PTPRD: variants seen among roughly 807,000 people sequenced by gnomAD.
PTPRD encodes the protein receptor-type tyrosine-protein phosphatase delta.
In PTPRD, 34 loss-of-function variants were observed where a neutral mutation model predicts 214.5. The observed-to-expected ratio is 0.16, with a 90% CI of 0.12 to 0.21. The LOEUF is 0.21. PTPRD is among the 10% of genes least tolerant of loss of function. The probability of loss-of-function intolerance (pLI) is 1.00; values close to 1 mark genes in which losing one functional copy is unlikely to be tolerated. For missense variants in PTPRD, 2,545 were observed against 2,398.7 expected, an observed-to-expected ratio of 1.06 and a Z score of -1.27; for synonymous variants, 1,128 against 845.7, an observed-to-expected ratio of 1.33 and a Z score of -5.79.
chr9:9,546,852 T>A (rs1028785742), intron 8 of PTPRD, among the ~76,000 whole-genome samples: 1 of 151,720 alleles, frequency 6.6e-6, no homozygotes, highest in East Asian at 1.9e-4. Flanking sequence ...TACCAAACAG[T>A]GTTCCTCACT....
chr9:10,354,651 A>G (rs1461640731), intron 2 of PTPRD, among the ~76,000 whole-genome samples: 1 of 152,164 alleles, frequency 6.6e-6, no homozygotes, highest in Non-Finnish European at 1.5e-5. Context: ...AACTTGTTTT[A>G]AAATACCTTA....
chr9:8,987,697 A>C (rs543258758), intron 11 of PTPRD, among the ~76,000 whole-genome samples: 2 of 152,236 alleles, frequency 1.3e-5, no homozygotes, highest in East Asian at 3.9e-4. Context: ...GAAGTCATTT[A>C]ACACGGGTAG....
intron 3 of PTPRD, among the ~76,000 whole-genome samples, chr9:10,106,013 CAAAAA>C (rs35421883): frequency 0.021 from 1,183 of 56,676 alleles, 18 homozygotes; most frequent in African/African-American, 0.072. Flanking sequence ...ATCACATATT[CAAAAA>C]AAAAAAAAAA....
chr9:10,151,525 T>G (rs1056147856), intron 3 of PTPRD, among the ~76,000 whole-genome samples: 1 of 152,026 alleles, frequency 6.6e-6, no homozygotes, highest in Admixed American at 6.6e-5. Flanking sequence ...CCTCCCAAAG[T>G]GCTGGGATTA....
chr9:8,592,750 T>C (rs2154266099), intron 14 of PTPRD, among the ~76,000 whole-genome samples: 1 of 152,318 alleles, frequency 6.6e-6, no homozygotes, highest in East Asian at 1.9e-4. Flanking sequence ...TTTCACTAAA[T>C]TAGTGCTTAA....
chr9:8,502,620 T>A (rs2097435011), intron 23 of PTPRD, among the ~76,000 whole-genome samples: 1 of 152,112 alleles, frequency 6.6e-6, no homozygotes, highest in Non-Finnish European at 1.5e-5. Context: ...AAAACTATTT[T>A]ACATGCATTA....
chr9:9,360,104 A>T (rs939239351), intron 9 of PTPRD, among the ~76,000 whole-genome samples: 3 of 151,256 alleles, frequency 2.0e-5, no homozygotes, highest in African/African-American at 7.3e-5. Flanking sequence ...CAAATTTAAT[A>T]TTTGTGGTAA....
At chr9:9,147,878 C>G (rs544624173) in intron 10 of PTPRD, among the ~76,000 whole-genome samples, 1 of 152,238 alleles carries the variant, frequency 6.6e-6, no homozygotes, top group South Asian at 2.1e-4. Flanking sequence ...CCTCTATATT[C>G]AGAATCAGAA....
chr9:10,342,723 T>C (rs2096966485), intron 2 of PTPRD, among the ~76,000 whole-genome samples: 1 of 152,104 alleles, frequency 6.6e-6, no homozygotes, highest in Admixed American at 6.6e-5. Context: ...AACTATTGAA[T>C]GAATATAAGC....
intron 7 of PTPRD, among the ~76,000 whole-genome samples, chr9:9,644,770 C>A (rs1475885643): frequency 1.3e-5 from 2 of 152,138 alleles, no homozygotes; most frequent in Admixed American, 6.5e-5. Context: ...AACCACAAAC[C>A]CCACTGGCAG....
At chr9:10,152,005 T>G (rs1396027186) in intron 3 of PTPRD, among the ~76,000 whole-genome samples, 1 of 152,178 alleles carries the variant, frequency 6.6e-6, no homozygotes, top group East Asian at 1.9e-4. Context: ...TATAAACACC[T>G]ACGTATAGGT....
chr9:10,283,262 G>C (rs1260512330), intron 3 of PTPRD, among the ~76,000 whole-genome samples: 2 of 152,008 alleles, frequency 1.3e-5, no homozygotes, highest in African/African-American at 4.8e-5. Context: ...TGTGCTTATA[G>C]CTCCTGGTCC....
At chr9:9,723,241 G>C (rs2097999919) in intron 7 of PTPRD, among the ~76,000 whole-genome samples, 1 of 151,980 alleles carries the variant, frequency 6.6e-6, no homozygotes, top group African/African-American at 2.4e-5. Context: ...AGACTATCCA[G>C]TTGTCTCAGC....
intron 6 of PTPRD, among the ~76,000 whole-genome samples, chr9:9,741,087 T>G (rs747625733): frequency 7.2e-5 from 11 of 152,162 alleles, no homozygotes; most frequent in Admixed American, 3.3e-4. Context: ...GATGATATCC[T>G]TCACTAAAAC....
At chr9:9,647,288 A>G (rs1355656266) in intron 7 of PTPRD, among the ~76,000 whole-genome samples, 3 of 152,130 alleles carry the variant, frequency 2.0e-5, no homozygotes, top group Non-Finnish European at 4.4e-5. Context: ...AAGACAATTT[A>G]TTTGATGACT....
At chr9:9,190,023 G>T (rs1196243497) in intron 9 of PTPRD, among the ~76,000 whole-genome samples, 2 of 152,076 alleles carry the variant, frequency 1.3e-5, no homozygotes, top group Non-Finnish European at 2.9e-5. Context: ...GACTTTCTGA[G>T]TGAGGACAGC....
chr9:10,385,604 A>C (rs900625251), intron 2 of PTPRD, among the ~76,000 whole-genome samples: 1 of 151,772 alleles, frequency 6.6e-6, no homozygotes, highest in Non-Finnish European at 1.5e-5. Context: ...TTTCTCGGAG[A>C]GTCCTGACTT....
At chr9:9,998,129 A>AAAATATATATATATATATAT (rs57991748) in intron 4 of PTPRD, among the ~76,000 whole-genome samples, 3 of 91,496 alleles carry the variant, frequency 3.3e-5, no homozygotes, top group African/African-American at 1.2e-4. Context: ...AAAAAAAAAA[A>AAAATATATATATATATATAT]ATATATATAT....
intron 6 of PTPRD, among the ~76,000 whole-genome samples, chr9:9,762,783 G>C (rs749052273): frequency 4.7e-4 from 71 of 152,122 alleles, no homozygotes; most frequent in Admixed American, 1.1e-3. Flanking sequence ...AGATTTTTTA[G>C]GTATTATTCA....
Sources: gnomAD v4.1 joint callset for allele counts (sites outside exome capture counted in the v4.1 genomes callset) on GRCh38, gnomAD v4.1.1 for gene constraint, MANE v1.5 for transcripts, NCBI Gene and HGNC (gene_info 2026-07-23, HGNC 2026-07-21) for gene names.